LMBR1: variants seen among roughly 807,000 people sequenced by gnomAD.
LMBR1 encodes limb development membrane protein 1.
LMBR1 carries 52 observed loss-of-function variants against 73.9 expected under a neutral mutation model. The observed-to-expected ratio is 0.70, with a 90% CI of 0.56 to 0.89. LMBR1 has a LOEUF of 0.89. LMBR1 is among the 40% of genes least tolerant of loss of function. LMBR1 has a pLI of 0.00. For synonymous variants in LMBR1, 215 were observed against 209.4 expected, an observed-to-expected ratio of 1.03 and a Z score of -0.23; for missense variants, 539 against 579.8, an observed-to-expected ratio of 0.93 and a Z score of 0.72.
At chr7:156,813,411 A>G (rs1202026024) in intron 4 of LMBR1, among the ~76,000 whole-genome samples, 2 of 152,204 alleles carry the variant, frequency 1.3e-5, no homozygotes, top group Non-Finnish European at 2.9e-5. Context: ...CCAAATACTT[A>G]TTGATATCCT....
chr7:156,802,005 T>A (rs1422461218), intron 4 of LMBR1, among the ~76,000 whole-genome samples: 1 of 152,102 alleles, frequency 6.6e-6, no homozygotes, highest in African/African-American at 2.4e-5. Flanking sequence ...TTTTTTCAGA[T>A]GGAGTCTCAC....
At chr7:156,813,635 T>G (rs1585974485) in intron 4 of LMBR1, among the ~76,000 whole-genome samples, 1 of 152,340 alleles carries the variant, frequency 6.6e-6, no homozygotes, top group South Asian at 2.1e-4. Context: ...GCCTCCAAGA[T>G]GCTTCACAGA....
intron 4 of LMBR1, among the ~76,000 whole-genome samples, chr7:156,671,771 C>T (rs768332842): frequency 7.9e-5 from 12 of 150,952 alleles, no homozygotes; most frequent in Admixed American, 7.2e-4. Context: ...TTTATGTCCA[C>T]GTACTTGAAG....
intron 10 of LMBR1, among the ~76,000 whole-genome samples, chr7:156,732,708 G>A (rs925514273): frequency 6.6e-6 from 1 of 152,226 alleles, no homozygotes; most frequent in African/African-American, 2.4e-5. Context: ...GAAGGGTCTT[G>A]CCTGAGCAGT....
chr7:156,861,403 C>A (rs558498820), intron 1 of LMBR1, among the ~76,000 whole-genome samples: 2 of 152,220 alleles, frequency 1.3e-5, no homozygotes, highest in South Asian at 2.1e-4. Context: ...CTGGGCCCTG[C>A]CTATGAAACC....
chr7:156,716,857 A>G (rs1229832671), intron 15 of LMBR1, among the ~76,000 whole-genome samples: 4 of 152,164 alleles, frequency 2.6e-5, no homozygotes, highest in Non-Finnish European at 5.9e-5. Flanking sequence ...GGTGGTTCAC[A>G]TCTGTAATCC....
chr7:156,671,594 C>T (rs538821212), intron 4 of LMBR1, among the ~76,000 whole-genome samples: 5 of 151,306 alleles, frequency 3.3e-5, no homozygotes, highest in African/African-American at 9.6e-5. Context: ...ATAAGTTCAG[C>T]TTCTAGATTC....
At position 156,681,405 on chromosome 7, in the gene LMBR1, C is replaced by A; in HGVS notation, c.*2673G>T. 1 of 172,048 alleles carries A rather than the reference C, an allele frequency of 5.8e-6. No individual in the cohort carries two copies. The highest frequency in any genetic ancestry group is 1.2e-5 in the Non-Finnish European group (1 of 80,200). The allele number at this position is 172,048 out of a possible 1,614,324, so 10.7% of individuals were successfully genotyped here. ...TGTGTACAAATTTCATGTAAAGCCT[C>A]ATATTTAGAGGTCTATTTTTACAGA... On this transcript the variant is annotated 3_prime_UTR_variant, in exon 17 of 17. Coordinates refer to ENST00000353442, the MANE Select transcript of LMBR1 (RefSeq NM_022458.4).
intron 4 of LMBR1, among the ~76,000 whole-genome samples, chr7:156,671,579 GT>G (rs1231858576): frequency 6.6e-5 from 10 of 151,500 alleles, no homozygotes; most frequent in African/African-American, 1.9e-4. Flanking sequence ...AGACATTTAT[GT>G]TTTATAAGTT....
At chr7:156,744,517 A>G (rs1368798840) in intron 9 of LMBR1, among the ~76,000 whole-genome samples, 2 of 151,572 alleles carry the variant, frequency 1.3e-5, no homozygotes, top group Non-Finnish European at 2.9e-5. Context: ...TACTTTTCCT[A>G]CTTGTTCTTT....
chr7:156,719,130 C>A (rs550544260), intron 15 of LMBR1, among the ~76,000 whole-genome samples: 1 of 132,018 alleles, frequency 7.6e-6, no homozygotes, highest in Non-Finnish European at 1.6e-5. Flanking sequence ...CTATCCCCCC[C>A]CTCCCCCCAC....
intron 4 of LMBR1, among the ~76,000 whole-genome samples, chr7:156,796,930 A>G (rs1830143702): frequency 1.3e-5 from 2 of 152,214 alleles, no homozygotes; most frequent in African/African-American, 4.8e-5. Context: ...GCATTTATTG[A>G]GCCCTTATGT....
At chr7:156,676,632 CAGA>C (rs751324508), downstream of LMBR1, 18 of 1,613,742 alleles carry the variant, frequency 1.1e-5, no homozygotes, top group Admixed American at 5.0e-5. Flanking sequence ...CTCCTGCTAC[CAGA>C]AGAAGATTCT....
chr7:156,844,956 C>T (rs1839360867), intron 1 of LMBR1, among the ~76,000 whole-genome samples: 1 of 152,210 alleles, frequency 6.6e-6, no homozygotes, highest in Admixed American at 6.5e-5. Context: ...AATCTAAATT[C>T]AGACTGGTGC....
chr7:156,676,132 C>T (rs1330402177), downstream of LMBR1: 12 of 930,186 alleles, frequency 1.3e-5, no homozygotes, highest in East Asian at 7.9e-5. Context: ...TTTAGGGTGA[C>T]GGCAAAGGTC....
rs757744585 is a variant in LMBR1, at chr7:156,681,244, G to A, written c.*2834C>T. ...AGGGCCATGGGCACCCAGCAGATGG[G>A]GAGGCCGCACTGCCGCTGAGAGCAG... On this transcript the variant is annotated 3_prime_UTR_variant, in exon 17 of 17. Transcript: ENST00000353442. The A allele has an allele frequency of 2.5e-5, 11 of 436,982 alleles. No individual in the cohort carries two copies. Among genetic ancestry groups the A allele is most frequent in the Non-Finnish European group, 4.9e-5 (11 of 222,242 alleles). The allele number at this position is 436,982 out of a possible 1,614,324, so 27.1% of individuals were successfully genotyped here.
chr7:156,768,525 T>A (rs1319326363), intron 5 of LMBR1, among the ~76,000 whole-genome samples: 1 of 152,154 alleles, frequency 6.6e-6, no homozygotes, highest in African/African-American at 2.4e-5. Flanking sequence ...GTGAATACCA[T>A]CAGCTTCTGA....
intron 3 of LMBR1, among the ~76,000 whole-genome samples, chr7:156,828,443 T>C (rs1201411273): frequency 6.6e-6 from 1 of 152,210 alleles, no homozygotes; most frequent in Non-Finnish European, 1.5e-5. Context: ...ATGCATCTTT[T>C]CTAATTGTGG....
downstream of LMBR1, among the ~76,000 whole-genome samples, chr7:156,675,045 G>A (rs1037673736): frequency 1.5e-4 from 23 of 152,178 alleles, no homozygotes; most frequent in South Asian, 2.1e-4. Context: ...AAAATTACAC[G>A]GATTTACTTA....
Sources: gnomAD v4.1 joint callset for allele counts (sites outside exome capture counted in the v4.1 genomes callset) on GRCh38, gnomAD v4.1.1 for gene constraint, MANE v1.5 for transcripts, NCBI Gene and HGNC (gene_info 2026-07-23, HGNC 2026-07-21) for gene names.